Variants in CDH11 observed in about 807,000 individuals in gnomAD.
CDH11 encodes the protein cadherin 11, also known as cadherin-11.
CDH11 carries 11 observed loss-of-function variants against 67.8 expected under a neutral mutation model. The observed-to-expected ratio is 0.16, with a 90% CI of 0.10 to 0.27. The LOEUF is 0.27. Ranked by LOEUF, CDH11 falls within the 10% of genes least tolerant of loss-of-function variation. CDH11 has a pLI of 1.00. For synonymous variants in CDH11, 419 were observed against 400.0 expected (o/e 1.05, Z -0.57); for missense variants, 847 against 1,031.2 (o/e 0.82, Z 2.45).
At chr16:64,986,319 C>T (rs1372082122) in intron 7 of CDH11, 1 of 151,930 alleles carries the variant, frequency 6.6e-6, no homozygotes, top group Non-Finnish European at 1.5e-5. Flanking sequence ...TATTCCTTTG[C>T]CTAGAATAAA....
chr16:65,110,070 C>T (rs187696274), intron 1 of CDH11, among the ~76,000 whole-genome samples: 4 of 152,208 alleles, frequency 2.6e-5, no homozygotes, highest in Admixed American at 6.5e-5. Context: ...GAGGTTTCAT[C>T]GTATTGCCCA....
chr16:64,996,556 G>A (rs1459467048), intron 4 of CDH11, among the ~76,000 whole-genome samples: 2 of 151,288 alleles, frequency 1.3e-5, no homozygotes, highest in Non-Finnish European at 1.5e-5. Flanking sequence ...AGACCCAAAG[G>A]AAAATAAATC....
chr16:65,012,435 G>A (rs946080386), intron 2 of CDH11, among the ~76,000 whole-genome samples: 1 of 152,224 alleles, frequency 6.6e-6, no homozygotes, highest in African/African-American at 2.4e-5. Context: ...TGCAGTGAGT[G>A]AGGGAACTAA....
At chr16:65,105,859 A>G (rs1459567032) in intron 1 of CDH11, among the ~76,000 whole-genome samples, 1 of 152,224 alleles carries the variant, frequency 6.6e-6, no homozygotes, top group Admixed American at 6.5e-5. Flanking sequence ...ATATTTTTCA[A>G]CGTTAAGCAA....
At chr16:64,956,830 G>A (rs896901953) in intron 11 of CDH11, among the ~76,000 whole-genome samples, 2 of 151,974 alleles carry the variant, frequency 1.3e-5, no homozygotes, top group Admixed American at 6.6e-5. Context: ...TACCAGTTGG[G>A]GAATACCAAT....
intron 2 of CDH11, among the ~76,000 whole-genome samples, chr16:65,017,361 T>C (rs1402029089): frequency 6.6e-6 from 1 of 152,166 alleles, no homozygotes; most frequent in Non-Finnish European, 1.5e-5. Context: ...GATCCATCTT[T>C]CATAACTTCT....
In CDH11 at chr16:65,053,213, G is replaced by A. The variant is rs555486551; in HGVS notation, c.-173+591C>T. On this transcript the variant is annotated intron_variant, in intron 2 of 12. Coordinates refer to ENST00000268603, the MANE Select transcript of CDH11 (RefSeq NM_001797.4). ...GCAGATGGAGAAGGTAAATGGATTC[G>A]TAGAATCCTAAAATGTAAGAACTGT... Among the ~76,000 whole-genome samples, 11 of 152,254 alleles carry A rather than the reference G, an allele frequency of 7.2e-5. No homozygotes were observed. In the South Asian group the frequency reaches 1.2e-3, roughly 17 times the overall value.
chr16:65,012,291 C>T (rs1019312824), intron 2 of CDH11, among the ~76,000 whole-genome samples: 1 of 152,218 alleles, frequency 6.6e-6, no homozygotes. Flanking sequence ...TGGGCCATGG[C>T]TCATTAAACA....
At chr16:65,033,237 A>AAC (rs57645922) in intron 2 of CDH11, among the ~76,000 whole-genome samples, 10,298 of 139,456 alleles carry the variant, frequency 0.074, 387 homozygotes, top group South Asian at 0.087. Flanking sequence ...AAACTAGGAA[A>AAC]ACACACACAC....
chr16:64,956,100 T>C (rs2071502484), intron 11 of CDH11, among the ~76,000 whole-genome samples: 2 of 152,338 alleles, frequency 1.3e-5, no homozygotes, highest in Non-Finnish European at 2.9e-5. Flanking sequence ...ATCTTTTTCT[T>C]ATATAAAGAT....
In CDH11 at chr16:65,121,735, G is replaced by C. The variant is rs2075334220; in HGVS notation, c.-298+145C>G. ...CAAATCTCTCCCTCCCTTTTGCTTT[G>C]CGTTAGTGAAGCCTTCTCGACTCAG... is the stretch of plus-strand genomic sequence containing the variant. On this transcript the variant is annotated intron_variant, in intron 1 of 12. Transcript: ENST00000268603. The surrounding 1 kb of genome is among the most constrained non-coding windows in gnomAD (Gnocchi z 4.1). 1 of 676,890 alleles carries C rather than the reference G, an allele frequency of 1.5e-6. No individual in the cohort carries two copies. Among genetic ancestry groups the C allele is most frequent in the East Asian group, 2.7e-5 (1 of 36,976 alleles). The allele number at this position is 676,890 out of a possible 1,614,324, so 41.9% of individuals were successfully genotyped here. A position where few individuals can be genotyped will look rare whatever the true frequency, so the allele number is the denominator to read the frequency against.
chr16:64,997,844 T>C (rs2072813473), intron 4 of CDH11, among the ~76,000 whole-genome samples: 1 of 152,178 alleles, frequency 6.6e-6, no homozygotes, highest in African/African-American at 2.4e-5. Flanking sequence ...TCATTTGAGC[T>C]CTAAAACTCT....
chr16:64,977,375 T>C (rs548916493), intron 8 of CDH11, among the ~76,000 whole-genome samples: 1 of 152,156 alleles, frequency 6.6e-6, no homozygotes, highest in African/African-American at 2.4e-5. Context: ...TTTGAAAACA[T>C]GACCCAAATA....
chr16:65,011,097 T>TA (rs1555518844), intron 2 of CDH11, among the ~76,000 whole-genome samples: 4,418 of 114,714 alleles, frequency 0.039, 154 homozygotes, highest in African/African-American at 0.1. Context: ...CACATATTTT[T>TA]TATATATATA....
Position 64,950,818 on chromosome 16 carries a change from G to T in CDH11, c.1843C>A (p.Leu615Met), listed in dbSNP as rs760939414. 6.2e-7 allele frequency: 1 copy of T among 1,614,190 alleles called. No homozygotes were observed. The highest frequency in any genetic ancestry group is 8.5e-7 in the Non-Finnish European group (1 of 1,180,020). ...ATGGCGATCAGGGCGCCTGTGCTCA[G>T]GCCGGCGTTCAGAATGTAGGCCTCT... Reference protein sequence around the residue: ...NAEAYILNAGLSTGALIAILA... With the variant: ...NAEAYILNAGMSTGALIAILA... The change falls in exon 12 of 13, where the codon CTG becomes ATG. Residue 615 changes from leucine (L) to methionine (M), a missense_variant. Transcript: ENST00000268603.
At chr16:64,996,086 A>T (rs1285906675) in intron 4 of CDH11, among the ~76,000 whole-genome samples, 1 of 152,212 alleles carries the variant, frequency 6.6e-6, no homozygotes, top group Non-Finnish European at 1.5e-5. Flanking sequence ...AAGTCAAAAA[A>T]TAACATGCTG....
Position 65,122,018 on chromosome 16 carries a change from C to T in CDH11, c.-436G>A, listed in dbSNP as rs1480076818. The T allele has an allele frequency of 5.7e-6, 4 of 697,928 alleles. No homozygotes were observed. In the Admixed American group the frequency reaches 6.0e-5, roughly 11 times the overall value. The allele number at this position is 697,928 out of a possible 1,614,324, so 43.2% of individuals were successfully genotyped here. ...CTGCGAGCGGCCCCCGCGGCATCTG[C>T]TCCTCGGCCCGCGACGCTCCCCTCA... On this transcript the variant is annotated 5_prime_UTR_variant, in exon 1 of 13. Transcript: ENST00000268603.
At chr16:65,023,773 G>T in intron 2 of CDH11, among the ~76,000 whole-genome samples, 1 of 152,298 alleles carries the variant, frequency 6.6e-6, no homozygotes, top group Non-Finnish European at 1.5e-5. Flanking sequence ...GCATTGGAAT[G>T]CATTACAATT....
At chr16:65,074,137 G>T (rs962758440) in intron 1 of CDH11, among the ~76,000 whole-genome samples, 1 of 152,070 alleles carries the variant, frequency 6.6e-6, no homozygotes, top group Non-Finnish European at 1.5e-5. Flanking sequence ...TGCCCTTTGG[G>T]GAGTTCATTT....
Sources: allele counts gnomAD v4.1 joint callset (sites outside exome capture counted in the v4.1 genomes callset), GRCh38; gene constraint gnomAD v4.1.1; non-coding constraint Gnocchi (gnomAD v3.1); transcripts MANE v1.5; gene names NCBI Gene and HGNC (gene_info 2026-07-23, HGNC 2026-07-21).